ADPRM: variants seen among roughly 807,000 people sequenced by gnomAD.
The protein encoded by ADPRM is manganese-dependent ADP-ribose/CDP-alcohol diphosphatase.
A neutral mutation model predicts 27.2 loss-of-function variants in ADPRM; 17 were observed. That is an observed-to-expected ratio of 0.63 (90% CI 0.43 to 0.94). The LOEUF is 0.94. Ranked by LOEUF, ADPRM falls within the 40% of genes least tolerant of loss-of-function variation. The pLI, the probability that ADPRM is intolerant of heterozygous loss-of-function variation, is 0.00. For synonymous variants in ADPRM, 135 were observed against 145.3 expected, an observed-to-expected ratio of 0.93 and a Z score of 0.51; for missense variants, 337 against 412.8, an observed-to-expected ratio of 0.82 and a Z score of 1.59.
In ADPRM at chr17:10,706,419, C is replaced by T; in HGVS notation, c.602-19C>T. The T allele has an allele frequency of 6.4e-7, 1 of 1,556,096 alleles. No individual in the cohort carries two copies. Among genetic ancestry groups the T allele is most frequent in the South Asian group, 1.2e-5 (1 of 84,856 alleles). On this transcript the variant is annotated intron_variant, in intron 2 of 3. Coordinates refer to ENST00000379774, the MANE Select transcript of ADPRM (RefSeq NM_020233.5). ...GGGAAAAATGACTTGATGGGGCTAA[C>T]TTACTGAATTCATTTCAGGACTTTC...
chr17:10,707,989 TGTGGGATAACAG>T (rs2151464252), intron 3 of ADPRM, among the ~76,000 whole-genome samples: 1 of 152,240 alleles, frequency 6.6e-6, no homozygotes, highest in Admixed American at 6.5e-5. Context: ...TTAGAATTGA[TGTGGGATAACAG>T]GTGAGAAGGC....
chr17:10,711,117 C>A lies in ADPRM; in HGVS notation c.1002C>A (p.Tyr334Ter), dbSNP rs1229898725. Residue 334 changes from tyrosine (Y) to a stop codon, truncating the protein, a stop_gained, in exon 4 of 4, where the codon TAC becomes TAA. Coordinates refer to ENST00000379774, the MANE Select transcript of ADPRM (RefSeq NM_020233.5). LOFTEE classifies it high-confidence loss of function. ...GAGTTCCAGATAGAATTATGAATTACAAGAAAGAAAGAGCCTTCCATTGTT... is the reference window on the plus strand; with the variant it reads ...GAGTTCCAGATAGAATTATGAATTAAAAGAAAGAAAGAGCCTTCCATTGTT... Reference protein sequence around the residue: ...RGRVPDRIMNYKKERAFHC With the variant: ...RGRVPDRIMN 2 of 1,609,470 alleles carry A rather than the reference C, an allele frequency of 1.2e-6. No homozygotes were observed.
rs1348343326 is a variant in ADPRM at position 10,705,462 on chromosome 17, A to G, written c.536A>G (p.Lys179Arg). ...SVLGVDQSSP[K>R]YEQCMKILRE... ...TTGGGCGTGGATCAGTCTTCTCCAA[A>G]ATACGAGCAGTGTATGAAGATATTG... The change falls in exon 2 of 4, where the codon AAA (lysine) becomes AGA (arginine). Residue 179 changes from lysine to arginine, a missense_variant. Transcript: ENST00000379774. This position sits in a 1 kb window ranked among gnomAD's most constrained non-coding sequence, Gnocchi z 5.4. The G allele has an allele frequency of 6.2e-7, 1 of 1,614,068 alleles. No homozygotes were observed. The highest frequency in any genetic ancestry group is 8.5e-7 in the Non-Finnish European group (1 of 1,180,024).
Position 10,705,479 on chromosome 17 carries a change from A to C in ADPRM, c.553A>C (p.Lys185Gln). The change falls in exon 2 of 4, where the codon AAG becomes CAG. Residue 185 changes from lysine (K) to glutamine (Q), a missense_variant. Transcript: ENST00000379774. The surrounding 1 kb of genome is among the most constrained non-coding windows in gnomAD (Gnocchi z 5.4). ...TTCTCCAAAATACGAGCAGTGTATG[A>C]AGATATTGAGGGAGCACAATCCAAA... is the stretch of plus-strand genomic sequence containing the variant. ...QSSPKYEQCM[K>Q]ILREHNPNTE... The C allele has an allele frequency of 6.2e-7, 1 of 1,614,028 alleles. No homozygotes were observed.
intron 1 of ADPRM, among the ~76,000 whole-genome samples, chr17:10,700,540 T>A (rs1212965344): frequency 6.7e-6 from 1 of 148,906 alleles, no homozygotes; most frequent in African/African-American, 2.5e-5. Flanking sequence ...TCACTTGAGC[T>A]CAGGAGCTTG....
In ADPRM at chr17:10,710,968, T is replaced by G. The variant is rs1030157519; in HGVS notation, c.853T>G (p.Ser285Ala). 2 of 1,614,100 alleles carry G rather than the reference T, an allele frequency of 1.2e-6. No individual in the cohort carries two copies. Among genetic ancestry groups the G allele is most frequent in the Admixed American group, 3.3e-5 (2 of 60,020 alleles). The change falls in exon 4 of 4, where the codon TCT becomes GCT. Residue 285 changes from serine (S) to alanine (A), a missense_variant. By Grantham distance (99) the Ser-to-Ala change is moderately conservative. Coordinates refer to ENST00000379774, the MANE Select transcript of ADPRM (RefSeq NM_020233.5). The part of the protein sequence containing the change: ...FAGHTHDGGY[S>A]EDPFGVYHVN... ...TGGTCACACCCATGATGGTGGCTAC[T>G]CTGAGGATCCTTTTGGTGTATACCA...
At chr17:10,706,078 G>C (rs752074746) in intron 2 of ADPRM, 15 of 193,614 alleles carry the variant, frequency 7.7e-5, no homozygotes, top group Non-Finnish European at 1.6e-4. Context: ...ACCTGCAAAG[G>C]CACTAAATGG....
intron 2 of ADPRM, 81 bp from the exon 3 acceptor site, chr17:10,706,357 T>G: frequency 1.2e-6 from 1 of 865,862 alleles, no homozygotes; most frequent in Non-Finnish European, 1.9e-6. Context: ...AAAAAACAAG[T>G]GTCCCTACAT....
At chr17:10,697,763 A>AG in intron 1 of ADPRM, 96 bp downstream of exon 1, 3 of 555,690 alleles carry the variant, frequency 5.4e-6, no homozygotes, top group African/African-American at 1.9e-5. Context: ...GGGCTGCCTT[A>AG]GGGGTCCAGG....
intron 1 of ADPRM, chr17:10,699,101 A>G (rs2074757401): frequency 6.6e-6 from 1 of 152,094 alleles, no homozygotes; most frequent in Admixed American, 6.5e-5. Context: ...ATAAAATGCT[A>G]TCATTGAAAA....
intron 1 of ADPRM, among the ~76,000 whole-genome samples, chr17:10,700,641 G>C (rs1006742670): frequency 4.6e-5 from 7 of 151,338 alleles, no homozygotes; most frequent in African/African-American, 1.7e-4. Flanking sequence ...GTACATGCCT[G>C]TAGTCTTAGC....
At chr17:10,708,443 A>AT (rs2074829094) in intron 3 of ADPRM, among the ~76,000 whole-genome samples, 1 of 150,358 alleles carries the variant, frequency 6.7e-6, no homozygotes, top group South Asian at 2.1e-4. Context: ...AAAAAAAAAA[A>AT]AAAAAAACCT....
chr17:10,709,517 T>C (rs377748696), intron 3 of ADPRM, among the ~76,000 whole-genome samples: 5 of 152,012 alleles, frequency 3.3e-5, no homozygotes, highest in African/African-American at 1.2e-4. Context: ...TTAGTGGCCA[T>C]TGAAGTTGGG....
intron 3 of ADPRM, among the ~76,000 whole-genome samples, chr17:10,708,650 G>A (rs779906959): frequency 2.0e-5 from 3 of 152,162 alleles, no homozygotes; most frequent in Non-Finnish European, 4.4e-5. Flanking sequence ...TTGGAATGAT[G>A]TGACACCTTT....
chr17:10,700,991 T>G (rs2074773071), intron 1 of ADPRM, among the ~76,000 whole-genome samples: 1 of 152,188 alleles, frequency 6.6e-6, no homozygotes, highest in South Asian at 2.1e-4. Flanking sequence ...CGTATAGTAC[T>G]TTATGGTTTA....
In ADPRM at chr17:10,701,619, A is replaced by G. The variant is rs1024597642; in HGVS notation, c.-17-3291A>G. The stretch of plus-strand genomic sequence containing the variant: ...GCTGGGATTACAGGCGTGAGCCACC[A>G]CGCCTGGCCTATATGTACATTTTTA... On this transcript the variant is annotated intron_variant, in intron 1 of 3. Coordinates refer to ENST00000379774, the MANE Select transcript of ADPRM (RefSeq NM_020233.5). 6.6e-5 allele frequency among the ~76,000 whole-genome samples: 10 copies of G among 152,284 alleles called. No homozygotes were observed. In the East Asian group the frequency reaches 9.7e-4, roughly 15 times the overall value.
intron 1 of ADPRM, 26 bp from the exon 2 acceptor site, chr17:10,704,884 A>G (rs566855942): frequency 9.5e-6 from 14 of 1,467,400 alleles, no homozygotes; most frequent in South Asian, 2.7e-5. Context: ...TTTATAATTT[A>G]GTTATCGTCT....
chr17:10,705,384 T>A lies in ADPRM; in HGVS notation c.458T>A (p.Val153Glu), dbSNP rs2074806321. The A allele has an allele frequency of 6.2e-7, 1 of 1,613,938 alleles. No homozygotes were observed. The highest frequency in any genetic ancestry group is 8.5e-7 in the Non-Finnish European group (1 of 1,180,014). Residue 153 changes from valine (V) to glutamate (E), a missense_variant, in exon 2 of 4, where the codon GTA (valine) becomes GAA (glutamate). Coordinates refer to ENST00000379774, the MANE Select transcript of ADPRM (RefSeq NM_020233.5). This position sits in a 1 kb window ranked among gnomAD's most constrained non-coding sequence, Gnocchi z 5.4. ...GAAGATTATTATGCTTATCATTTTG[T>A]ACCATTCCCTAAATTCCGGTTCATT... ...PSEDYYAYHF[V>E]PFPKFRFILL... is the part of the protein sequence containing the mutation.
chr17:10,709,545 C>A (rs1217177146), intron 3 of ADPRM, among the ~76,000 whole-genome samples: 1 of 152,038 alleles, frequency 6.6e-6, no homozygotes, highest in Non-Finnish European at 1.5e-5. Flanking sequence ...TAGAAAGACA[C>A]CCCTGGGAGA....
Sources: gnomAD v4.1 joint callset for allele counts (sites outside exome capture counted in the v4.1 genomes callset) on GRCh38, gnomAD v4.1.1 for gene constraint, Gnocchi (gnomAD v3.1) non-coding constraint, MANE v1.5 for transcripts, NCBI Gene and HGNC (gene_info 2026-07-23, HGNC 2026-07-21) for gene names.